Variants in CRPPA observed in about 807,000 individuals in gnomAD.
The protein encoded by CRPPA is D-ribitol-5-phosphate cytidylyltransferase.
A neutral mutation model predicts 52.0 loss-of-function variants in CRPPA; 43 were observed. The ratio of observed to expected loss-of-function variants is 0.83; its 90% CI spans 0.65 to 1.07. CRPPA has a LOEUF of 1.07. CRPPA is among the 50% of genes least tolerant of loss of function. The pLI is 0.00. For synonymous variants in CRPPA, 250 were observed against 203.5 expected (o/e 1.23, Z -1.94); for missense variants, 629 against 551.7 (o/e 1.14, Z -1.40).
At chr7:16,342,820 C>CATATATAT (rs1554335312) in intron 3 of CRPPA, among the ~76,000 whole-genome samples, 1 of 86,724 alleles carries the variant, frequency 1.2e-5, no homozygotes, top group African/African-American at 5.6e-5. Context: ...TATAGATATA[C>CATATATAT]ATATATAGAT....
chr7:16,166,507 T>C (rs1259117914), intron 9 of CRPPA, among the ~76,000 whole-genome samples: 1 of 152,174 alleles, frequency 6.6e-6, no homozygotes, highest in Non-Finnish European at 1.5e-5. Context: ...CTCGAACTCC[T>C]GACCTCAGGT....
intron 9 of CRPPA, among the ~76,000 whole-genome samples, chr7:16,119,323 C>T (rs1782437545): frequency 6.6e-6 from 1 of 151,830 alleles, no homozygotes; most frequent in East Asian, 1.9e-4. Context: ...TTGAATCACA[C>T]ATCTCATTGG....
chr7:16,264,217 T>C (rs1383276738), intron 6 of CRPPA, among the ~76,000 whole-genome samples: 1 of 152,186 alleles, frequency 6.6e-6, no homozygotes, highest in African/African-American at 2.4e-5. Flanking sequence ...AAAAAAGTCC[T>C]AAGCATCATC....
intron 3 of CRPPA, among the ~76,000 whole-genome samples, chr7:16,375,676 A>T (rs1463778529): frequency 1.3e-5 from 2 of 152,134 alleles, no homozygotes; most frequent in Non-Finnish European, 2.9e-5. Context: ...AATATGATTT[A>T]TGCTGAACAC....
chr7:16,302,421 G>C (rs1332138629), intron 4 of CRPPA, among the ~76,000 whole-genome samples: 1 of 151,868 alleles, frequency 6.6e-6, no homozygotes, highest in Middle Eastern at 3.2e-3. Flanking sequence ...CCCATCCAGT[G>C]AGCTCAGGTA....
Position 16,406,165 on chromosome 7 carries a change from A to G in CRPPA, c.430T>C (p.Ser144Pro). 6 of 1,613,994 alleles carry G rather than the reference A, an allele frequency of 3.7e-6. No individual in the cohort carries two copies. The highest frequency in any genetic ancestry group is 3.4e-6 in the Non-Finnish European group (4 of 1,179,872). ...LKALAEDQINSKLSKPEVVII... is the reference protein window; with the variant it reads ...LKALAEDQINPKLSKPEVVII... ...ACTACTTCTGGCTTAGAGAGTTTAGAGTTGATCTGATCTTCTGCCAGTGCT... is the reference window on the plus strand; with the variant it reads ...ACTACTTCTGGCTTAGAGAGTTTAGGGTTGATCTGATCTTCTGCCAGTGCT... Residue 144 changes from serine (S) to proline (P), a missense_variant, in exon 2 of 10, where the codon TCT becomes CCT. Coordinates refer to ENST00000407010, the MANE Select transcript of CRPPA (RefSeq NM_001101426.4).
At chr7:16,386,377 G>A (rs927745353) in intron 2 of CRPPA, among the ~76,000 whole-genome samples, 2 of 152,198 alleles carry the variant, frequency 1.3e-5, no homozygotes, top group East Asian at 3.8e-4. Flanking sequence ...TAGGGAAGGT[G>A]TGGCAGGCCA....
chr7:16,281,631 A>G (rs759128718), intron 5 of CRPPA, among the ~76,000 whole-genome samples: 7 of 152,260 alleles, frequency 4.6e-5, no homozygotes, highest in African/African-American at 1.7e-4. Flanking sequence ...TGAGTTGGTA[A>G]GTGTTTTTCC....
At chr7:16,372,968 T>C (rs1786785873) in intron 3 of CRPPA, among the ~76,000 whole-genome samples, 1 of 152,200 alleles carries the variant, frequency 6.6e-6, no homozygotes, top group South Asian at 2.1e-4. Flanking sequence ...AAGACTTCTT[T>C]GAGGAGGTGA....
chr7:16,244,585 G>A (rs1330789516), intron 8 of CRPPA, among the ~76,000 whole-genome samples: 1 of 152,120 alleles, frequency 6.6e-6, no homozygotes, highest in Non-Finnish European at 1.5e-5. Context: ...CTAACCCAAT[G>A]TTGTTTTTGC....
intron 2 of CRPPA, among the ~76,000 whole-genome samples, chr7:16,403,455 C>G (rs1415272216): frequency 6.6e-6 from 1 of 151,862 alleles, no homozygotes; most frequent in African/African-American, 2.4e-5. Flanking sequence ...CATACATAAC[C>G]CACCCCTCCC....
At chr7:16,291,118 C>CA (rs1191635061) in intron 5 of CRPPA, among the ~76,000 whole-genome samples, 3 of 151,776 alleles carry the variant, frequency 2.0e-5, no homozygotes, top group Non-Finnish European at 4.4e-5. Context: ...ATCAAAAACA[C>CA]AAAAAATAAC....
At chr7:16,286,097 A>AAAAAAATATATATATATAT in intron 5 of CRPPA, among the ~76,000 whole-genome samples, 2 of 39,116 alleles carry the variant, frequency 5.1e-5, no homozygotes, top group African/African-American at 1.8e-4. Context: ...TAAAAAAAAA[A>AAAAAAATATATATATATAT]ATATATATAT....
chr7:16,298,513 A>C (rs1418272151), intron 5 of CRPPA, among the ~76,000 whole-genome samples: 1 of 152,226 alleles, frequency 6.6e-6, no homozygotes, highest in Admixed American at 6.5e-5. Flanking sequence ...GATAGAGATA[A>C]AATACATAAA....
At chr7:16,243,261 T>C (rs911932421) in intron 8 of CRPPA, among the ~76,000 whole-genome samples, 2 of 152,176 alleles carry the variant, frequency 1.3e-5, no homozygotes, top group East Asian at 3.9e-4. Context: ...CCACCATGAT[T>C]GTAAGTTTCC....
chr7:16,192,727 T>C (rs1021824206), intron 9 of CRPPA, among the ~76,000 whole-genome samples: 2 of 152,166 alleles, frequency 1.3e-5, no homozygotes, highest in African/African-American at 4.8e-5. Flanking sequence ...TCTGATCATC[T>C]TGAGTTTACT....
chr7:16,290,534 G>C (rs1408719138), intron 5 of CRPPA, among the ~76,000 whole-genome samples: 1 of 151,904 alleles, frequency 6.6e-6, no homozygotes, highest in Non-Finnish European at 1.5e-5. Flanking sequence ...AAAGGTGCCA[G>C]GAATATACAT....
intron 9 of CRPPA, among the ~76,000 whole-genome samples, chr7:16,117,343 G>C (rs1405839750): frequency 6.6e-6 from 1 of 152,170 alleles, no homozygotes; most frequent in South Asian, 2.1e-4. Context: ...AACTGAGCAC[G>C]TAGTCATATC....
At chr7:16,219,117 T>G (rs1334797525) in intron 8 of CRPPA, among the ~76,000 whole-genome samples, 1 of 152,002 alleles carries the variant, frequency 6.6e-6, no homozygotes, top group Non-Finnish European at 1.5e-5. Context: ...GCAATCAAAC[T>G]AGAACTCAGG....
Sources: allele counts gnomAD v4.1 joint callset (sites outside exome capture counted in the v4.1 genomes callset), GRCh38; gene constraint gnomAD v4.1.1; transcripts MANE v1.5; gene names NCBI Gene and HGNC (gene_info 2026-07-23, HGNC 2026-07-21).